Variants in KIAA1217 observed in about 807,000 individuals in gnomAD.
The protein encoded by KIAA1217 is sickle tail protein homolog.
KIAA1217 carries 88 observed loss-of-function variants against 163.9 expected under a neutral mutation model. The observed-to-expected ratio is 0.54, with a 90% CI of 0.45 to 0.64. KIAA1217 has a LOEUF of 0.64. Among genes scored for constraint, KIAA1217 ranks in the 30% least tolerant of loss-of-function variants. KIAA1217 has a pLI of 0.00. For missense variants in KIAA1217, 2,372 were observed against 2,475.0 expected (o/e 0.96, Z 0.88); for synonymous variants, 903 against 923.1 (o/e 0.98, Z 0.39).
chr10:24,057,589 G>A (rs945508655), intron 2 of KIAA1217, among the ~76,000 whole-genome samples: 2 of 152,056 alleles, frequency 1.3e-5, no homozygotes, highest in African/African-American at 2.4e-5. Flanking sequence ...CCATGTCGTG[G>A]CACATTACAG....
At chr10:23,770,247 T>A (rs1358746870) in intron 1 of KIAA1217, among the ~76,000 whole-genome samples, 1 of 152,238 alleles carries the variant, frequency 6.6e-6, no homozygotes, top group Non-Finnish European at 1.5e-5. Flanking sequence ...TTCCCCTACT[T>A]GGTGGTTACC....
intron 1 of KIAA1217, among the ~76,000 whole-genome samples, chr10:23,730,238 C>T (rs1356107210): frequency 6.6e-6 from 1 of 152,138 alleles, no homozygotes; most frequent in Non-Finnish European, 1.5e-5. Flanking sequence ...ACATCTGTGT[C>T]TAGATTCTTT....
Position 23,872,509 on chromosome 10 carries a change from G to A in KIAA1217, c.-320-134716G>A, listed in dbSNP as rs146850620. Among the ~76,000 whole-genome samples the A allele has an allele frequency of 1.4e-3, 213 of 152,170 alleles. 3 individuals carry two copies. Among genetic ancestry groups the A allele is most frequent in the Admixed American group, 0.012 (187 of 15,268 alleles). On this transcript the variant is annotated intron_variant, in intron 1 of 18. Transcript: ENST00000376462. The stretch of plus-strand genomic sequence containing the variant: ...GCATCACACGAGCCTTGCCAACACT[G>A]CAGAGAGCTTCATTTACCACCACAA...
chr10:23,776,879 G>T (rs969325495), intron 1 of KIAA1217, among the ~76,000 whole-genome samples: 2 of 151,816 alleles, frequency 1.3e-5, no homozygotes, highest in Non-Finnish European at 2.9e-5. Context: ...ATGGGGTTTT[G>T]TCATGTTGGC....
intron 1 of KIAA1217, among the ~76,000 whole-genome samples, chr10:23,901,998 G>A (rs1331124047): frequency 5.3e-5 from 8 of 151,170 alleles, no homozygotes; most frequent in Non-Finnish European, 1.5e-5. Context: ...TTACAAAATT[G>A]AGCATGAAAA....
intron 5 of KIAA1217, among the ~76,000 whole-genome samples, chr10:24,462,405 G>A (rs1362095817): frequency 1.3e-5 from 2 of 152,088 alleles, no homozygotes; most frequent in Non-Finnish European, 2.9e-5. Flanking sequence ...GCCAGAAATC[G>A]AATAAGGAAT....
chr10:23,719,936 T>A (rs6482319), intron 1 of KIAA1217, among the ~76,000 whole-genome samples: 10,147 of 151,888 alleles, frequency 0.067, 1,130 homozygotes, highest in African/African-American at 0.23. Context: ...GGCTATATAG[T>A]GTATGATTAC....
intron 2 of KIAA1217, among the ~76,000 whole-genome samples, chr10:24,128,301 G>A (rs933884515): frequency 6.6e-6 from 1 of 152,150 alleles, no homozygotes; most frequent in Non-Finnish European, 1.5e-5. Flanking sequence ...ATGGTTGCAG[G>A]AGGAGGATGC....
intron 5 of KIAA1217, among the ~76,000 whole-genome samples, chr10:24,448,196 T>G (rs1264551718): frequency 6.6e-6 from 1 of 152,096 alleles, no homozygotes; most frequent in Non-Finnish European, 1.5e-5. Flanking sequence ...CTTTGTCAGA[T>G]TAAAATAAGT....
chr10:23,873,191 C>T (rs1439852605), intron 1 of KIAA1217, among the ~76,000 whole-genome samples: 1 of 151,952 alleles, frequency 6.6e-6, no homozygotes, highest in Non-Finnish European at 1.5e-5. Flanking sequence ...ACTTTCCATA[C>T]CTTAATATTT....
chr10:24,527,110 T>C (rs1337270985), intron 13 of KIAA1217, among the ~76,000 whole-genome samples: 2 of 152,104 alleles, frequency 1.3e-5, no homozygotes, highest in African/African-American at 4.8e-5. Flanking sequence ...TATAACTCTC[T>C]GTTGTGGAAC....
At chr10:23,730,853 C>G (rs1466094705) in intron 1 of KIAA1217, among the ~76,000 whole-genome samples, 1 of 152,136 alleles carries the variant, frequency 6.6e-6, no homozygotes, top group Non-Finnish European at 1.5e-5. Flanking sequence ...TATTCTGAAA[C>G]CTTGCTATAA....
At chr10:24,284,830 G>A (rs2078373270) in intron 2 of KIAA1217, among the ~76,000 whole-genome samples, 2 of 152,088 alleles carry the variant, frequency 1.3e-5, no homozygotes, top group African/African-American at 2.4e-5. Flanking sequence ...CTTTCCACAG[G>A]GACTGAACTA....
chr10:24,437,428 A>T (rs2060133437), intron 4 of KIAA1217, among the ~76,000 whole-genome samples: 1 of 152,272 alleles, frequency 6.6e-6, no homozygotes, highest in South Asian at 2.1e-4. Context: ...AACACAAGCC[A>T]GTAATCCCAG....
chr10:24,354,367 C>G (rs993287175), intron 2 of KIAA1217, among the ~76,000 whole-genome samples: 2 of 152,158 alleles, frequency 1.3e-5, no homozygotes, highest in African/African-American at 4.8e-5. Flanking sequence ...GGTGCAGGAG[C>G]CGGGGCAAGT....
At chr10:24,191,171 C>T (rs575018438) in intron 2 of KIAA1217, among the ~76,000 whole-genome samples, 11 of 152,090 alleles carry the variant, frequency 7.2e-5, no homozygotes, top group African/African-American at 2.7e-4. Context: ...TAGAGTAAGA[C>T]TCCTCTCAAA....
chr10:23,793,553 AGTACAATTAAAC>A (rs146031138), intron 1 of KIAA1217, among the ~76,000 whole-genome samples: 4,228 of 152,334 alleles, frequency 0.028, 204 homozygotes, highest in African/African-American at 0.096. Context: ...ATGAAAATGT[AGTACAATTAAAC>A]GTACTTCTAC....
At chr10:24,061,781 C>A (rs1312646528) in intron 2 of KIAA1217, among the ~76,000 whole-genome samples, 1 of 152,158 alleles carries the variant, frequency 6.6e-6, no homozygotes, top group Non-Finnish European at 1.5e-5. Flanking sequence ...TTGTATGTGA[C>A]AAGTTTCTTT....
At chr10:24,434,228 G>A (rs1365903118) in intron 4 of KIAA1217, among the ~76,000 whole-genome samples, 4 of 151,900 alleles carry the variant, frequency 2.6e-5, no homozygotes, top group East Asian at 1.9e-4. Context: ...TAGTAGGTAC[G>A]GGGTTTTACC....
Sources: gnomAD v4.1 joint callset for allele counts (sites outside exome capture counted in the v4.1 genomes callset) on GRCh38, gnomAD v4.1.1 for gene constraint, MANE v1.5 for transcripts, NCBI Gene and HGNC (gene_info 2026-07-23, HGNC 2026-07-21) for gene names.